The following WDFY3 variants were observed in gnomAD, a reference collection of about 807,000 sequenced individuals.
WDFY3 encodes the protein WD repeat and FYVE domain-containing protein 3.
Under a neutral mutation model 409.6 loss-of-function variants are expected in WDFY3, and 66 were observed. That is an observed-to-expected ratio of 0.16 (90% CI 0.13 to 0.20). WDFY3 has a LOEUF of 0.20. Ranked by LOEUF, WDFY3 falls within the 10% of genes least tolerant of loss-of-function variation. The probability of loss-of-function intolerance (pLI) is 1.00; values close to 1 mark genes in which losing one functional copy is unlikely to be tolerated. For synonymous variants in WDFY3, 1,521 were observed against 1,537.1 expected (o/e 0.99, Z 0.25); for missense variants, 3,031 against 4,298.1 (o/e 0.71, Z 8.24).
Position 84,849,993 on chromosome 4 carries a change from T to G in WDFY3, c.213A>C (p.Thr71=), listed in dbSNP as rs765030393. ...VFGNAPPNTM[T]EKFSDLLQFT... Reference sequence around the variant, plus strand: ...ACTGCAGAAGATCAGAAAATTTTTCTGTCATTGTATTCGGCGGAGCATTTC... The same window carrying G: ...ACTGCAGAAGATCAGAAAATTTTTCGGTCATTGTATTCGGCGGAGCATTTC... Residue 71 remains threonine (T), a synonymous_variant, in exon 5 of 68, where the codon ACA becomes ACC. Coordinates refer to ENST00000295888, the MANE Select transcript of WDFY3 (RefSeq NM_014991.6). 6.2e-7 allele frequency: 1 copy of G among 1,609,132 alleles called. No individual in the cohort carries two copies. The highest frequency in any genetic ancestry group is 1.1e-5 in the South Asian group (1 of 89,900).
chr4:84,962,798 C>T (rs1775077621), intron 1 of WDFY3, among the ~76,000 whole-genome samples: 1 of 151,620 alleles, frequency 6.6e-6, no homozygotes, highest in African/African-American at 2.4e-5. Context: ...CTCAGCCTCC[C>T]GAGCATCTGG....
rs973810667 is a variant in WDFY3 at position 84,861,245 on chromosome 4, A to G, written c.-31-623T>C. 3.3e-5 allele frequency among the ~76,000 whole-genome samples: 5 copies of G among 152,248 alleles called. No individual in the cohort carries two copies. In the East Asian group the frequency reaches 9.7e-4, roughly 29 times the overall value. On this transcript the variant is annotated intron_variant, in intron 3 of 67. Coordinates refer to ENST00000295888, the MANE Select transcript of WDFY3 (RefSeq NM_014991.6). The stretch of plus-strand genomic sequence containing the variant: ...AAAATAAAAACATAAAGAGAAAGAG[A>G]TCACAAAACTATTAATGGATTTCTT...
At chr4:84,740,862 T>C (rs992400746) in intron 38 of WDFY3, among the ~76,000 whole-genome samples, 1 of 152,200 alleles carries the variant, frequency 6.6e-6, no homozygotes, top group Non-Finnish European at 1.5e-5. Flanking sequence ...TTGGCTTAAA[T>C]ACAAATATAT....
In WDFY3 at chr4:84,911,939, C is replaced by G. The variant is rs376676424; in HGVS notation, c.-131-14929G>C. On this transcript the variant is annotated intron_variant, in intron 2 of 67. Transcript: ENST00000295888. ...AAAATTAACTGTAGTACAGGCTCTA[C>G]TACCAAAATAACTTCGTAGCCATCT... 3.9e-5 allele frequency among the ~76,000 whole-genome samples: 6 copies of G among 152,270 alleles called. No homozygotes were observed. The South Asian group carries it at 6.2e-4, about 16-fold the overall frequency.
At chr4:84,826,690 G>T in intron 10 of WDFY3, 125 bp downstream of exon 10, 3 of 937,332 alleles carry the variant, frequency 3.2e-6, no homozygotes, top group East Asian at 3.4e-5. Context: ...AAAAAAACAA[G>T]CTTTAAGGGA....
At chr4:84,843,578 T>C (rs916876917) in intron 5 of WDFY3, among the ~76,000 whole-genome samples, 1 of 152,100 alleles carries the variant, frequency 6.6e-6, no homozygotes, top group African/African-American at 2.4e-5. Flanking sequence ...CAAAATTTTT[T>C]TGTAGAGACA....
At chr4:84,821,847 T>A (rs1442430532) in intron 10 of WDFY3, among the ~76,000 whole-genome samples, 1 of 152,200 alleles carries the variant, frequency 6.6e-6, no homozygotes, top group Admixed American at 6.5e-5. Context: ...ACATCCATGC[T>A]TCAGAGTTTA....
In WDFY3 at chr4:84,860,468, T is replaced by A; in HGVS notation, c.124A>T (p.Met42Leu). ...FTELCHPPRH[M>L]TQKEQEEKLY... ...TTCTCTTCTTGTTCCTTCTGAGTCA[T>A]GTGCCGGGGAGGATGGCACAACTCC... is the stretch of plus-strand genomic sequence containing the variant. The change falls in exon 4 of 68, where the codon ATG becomes TTG. Residue 42 changes from methionine (M) to leucine (L), a missense_variant. Met to Leu is a conservative substitution (Grantham distance 15, BLOSUM62 2). Transcript: ENST00000295888. The A allele has an allele frequency of 4.3e-6, 7 of 1,614,148 alleles. No individual in the cohort carries two copies. Among genetic ancestry groups the A allele is most frequent in the Non-Finnish European group, 5.9e-6 (7 of 1,180,004 alleles).
At chr4:84,685,867 CAGTATTTA>C (rs1728219198) in intron 62 of WDFY3, among the ~76,000 whole-genome samples, 1 of 152,128 alleles carries the variant, frequency 6.6e-6, no homozygotes, top group Non-Finnish European at 1.5e-5. Context: ...ATAAAATTAT[CAGTATTTA>C]AGTTAAGAAC....
chr4:84,787,410 G>A, intron 23 of WDFY3, 72 bp downstream of exon 23: 1 of 1,425,294 alleles, frequency 7.0e-7, no homozygotes, highest in Non-Finnish European at 9.7e-7. Flanking sequence ...TATAACCTCA[G>A]ACACACACAT....
intron 23 of WDFY3, among the ~76,000 whole-genome samples, 191 bp downstream of exon 23, chr4:84,787,291 G>GC (rs1348778265): frequency 6.6e-6 from 1 of 152,130 alleles, no homozygotes; most frequent in East Asian, 1.9e-4. Flanking sequence ...TAAAGACAAA[G>GC]AATCCAGAAA....
intron 2 of WDFY3, among the ~76,000 whole-genome samples, chr4:84,906,279 G>A (rs772004738): frequency 2.0e-5 from 3 of 152,212 alleles, no homozygotes; most frequent in Non-Finnish European, 2.9e-5. Context: ...AGAGACAGAC[G>A]TGTTTCATTT....
At chr4:84,849,866 A>C in intron 5 of WDFY3, 36 bp downstream of exon 5, 1 of 1,604,744 alleles carries the variant, frequency 6.2e-7, no homozygotes, top group Non-Finnish European at 8.5e-7. Flanking sequence ...TTGTTCATTC[A>C]AACAAATCAG....
At chr4:84,865,809 C>G (rs905604835) in intron 3 of WDFY3, among the ~76,000 whole-genome samples, 1 of 152,190 alleles carries the variant, frequency 6.6e-6, no homozygotes, top group Non-Finnish European at 1.5e-5. Context: ...GTAGCTCACA[C>G]CTGAAATTCC....
intron 36 of WDFY3, among the ~76,000 whole-genome samples, chr4:84,750,573 T>C (rs1249772202): frequency 6.6e-6 from 1 of 152,188 alleles, no homozygotes; most frequent in Non-Finnish European, 1.5e-5. Flanking sequence ...TCATAAAACA[T>C]GTTATTTTCA....
chr4:84,759,980 C>A (rs1322328377), intron 32 of WDFY3, among the ~76,000 whole-genome samples: 1 of 151,722 alleles, frequency 6.6e-6, no homozygotes, highest in African/African-American at 2.4e-5. Context: ...TACGTCCCAT[C>A]AACACCTAAT....
In WDFY3 at chr4:84,741,876, A is replaced by G. The variant is rs770417953; in HGVS notation, c.6119T>C (p.Val2040Ala). The change falls in exon 38 of 68, where the codon GTA (valine) becomes GCA (alanine). Residue 2040 changes from valine to alanine, a missense_variant. Coordinates refer to ENST00000295888, the MANE Select transcript of WDFY3 (RefSeq NM_014991.6). ...LPITSGGSYQ[V>A]LVNNVFYFTQ... ...GAAATAAAACACATTGTTCACCAAT[A>G]CCTGGTAGCTTCCTCCACTGGTAAT... The G allele has an allele frequency of 6.2e-7, 1 of 1,610,734 alleles. No homozygotes were observed. Among genetic ancestry groups the G allele is most frequent in the Non-Finnish European group, 8.5e-7 (1 of 1,177,562 alleles).
chr4:84,685,319 T>G (rs186633224), intron 62 of WDFY3, among the ~76,000 whole-genome samples: 165 of 152,328 alleles, frequency 1.1e-3, no homozygotes, highest in Non-Finnish European at 1.1e-3. Flanking sequence ...CCACAGTCTG[T>G]GCTGCACCGT....
At chr4:84,790,999 CA>C in intron 21 of WDFY3, among the ~76,000 whole-genome samples, 1 of 152,100 alleles carries the variant, frequency 6.6e-6, no homozygotes, top group Non-Finnish European at 1.5e-5. Flanking sequence ...AACCCTTGCG[CA>C]CTGTTGGTGG....
Sources: allele counts gnomAD v4.1 joint callset (sites outside exome capture counted in the v4.1 genomes callset), GRCh38; gene constraint gnomAD v4.1.1; transcripts MANE v1.5; gene names NCBI Gene and HGNC (gene_info 2026-07-23, HGNC 2026-07-21).